XXYLT1: variants seen among roughly 807,000 people sequenced by gnomAD.
XXYLT1 encodes the protein xyloside xylosyltransferase 1.
XXYLT1 carries 20 observed loss-of-function variants against 28.9 expected under a neutral mutation model. That is an observed-to-expected ratio of 0.69 (90% CI 0.49 to 1.00). The LOEUF (loss-of-function observed/expected upper bound fraction) is 1.00. Ranked by LOEUF, XXYLT1 falls within the 50% of genes least tolerant of loss-of-function variation. The probability of loss-of-function intolerance (pLI) is 0.00; values close to 1 mark genes in which losing one functional copy is unlikely to be tolerated. For missense variants in XXYLT1, 542 were observed against 560.1 expected, an observed-to-expected ratio of 0.97 and a Z score of 0.33; for synonymous variants, 257 against 253.8, an observed-to-expected ratio of 1.01 and a Z score of -0.12.
intron 3 of XXYLT1, among the ~76,000 whole-genome samples, chr3:195,090,559 C>T (rs941753727): frequency 6.6e-6 from 1 of 151,098 alleles, no homozygotes; most frequent in African/African-American, 2.5e-5. Flanking sequence ...GCACTAAATG[C>T]CACAAGAGAA....
At chr3:195,106,941 C>T (rs989304470) in intron 3 of XXYLT1, among the ~76,000 whole-genome samples, 2 of 152,126 alleles carry the variant, frequency 1.3e-5, no homozygotes, top group Non-Finnish European at 2.9e-5. Flanking sequence ...GACATCGGGC[C>T]AAGCATCCCA....
At chr3:195,153,279 C>A (rs1252553059) in intron 3 of XXYLT1, among the ~76,000 whole-genome samples, 4 of 152,228 alleles carry the variant, frequency 2.6e-5, no homozygotes, top group African/African-American at 9.6e-5. Flanking sequence ...AGGCAAAAAA[C>A]ATGCTCAATT....
intron 3 of XXYLT1, among the ~76,000 whole-genome samples, chr3:195,087,552 C>G (rs914008325): frequency 6.6e-6 from 1 of 152,266 alleles, no homozygotes. Context: ...CTTCTCAGCT[C>G]TCTCCGGATA....
intron 1 of XXYLT1, among the ~76,000 whole-genome samples, chr3:195,258,942 C>T (rs1181129359): frequency 6.6e-6 from 1 of 152,260 alleles, no homozygotes; most frequent in Non-Finnish European, 1.5e-5. Flanking sequence ...ACTGAATCAA[C>T]GGTATCAGCA....
intron 3 of XXYLT1, among the ~76,000 whole-genome samples, chr3:195,086,535 A>G (rs904885784): frequency 1.3e-5 from 2 of 152,210 alleles, no homozygotes; most frequent in Non-Finnish European, 2.9e-5. Flanking sequence ...CTGTGGGGTC[A>G]GAGGCCTGAC....
chr3:195,207,409 A>T, intron 2 of XXYLT1: 1 of 452,984 alleles, frequency 2.2e-6, no homozygotes, highest in South Asian at 1.6e-5. Context: ...GAAAACAGTG[A>T]CTTTATTCTA....
intron 3 of XXYLT1, among the ~76,000 whole-genome samples, chr3:195,140,695 G>A (rs996210084): frequency 1.3e-5 from 2 of 151,944 alleles, no homozygotes; most frequent in Non-Finnish European, 2.9e-5. Flanking sequence ...ACAAGAAGGG[G>A]GAAGCACTAC....
At chr3:195,088,816 C>G (rs1474471824) in intron 3 of XXYLT1, among the ~76,000 whole-genome samples, 1 of 143,792 alleles carries the variant, frequency 7.0e-6, no homozygotes, top group African/African-American at 2.6e-5. Context: ...ATAACCAATA[C>G]AGAGAAGTGC....
At chr3:195,142,879 G>T (rs1302736712) in intron 3 of XXYLT1, among the ~76,000 whole-genome samples, 2 of 152,090 alleles carry the variant, frequency 1.3e-5, no homozygotes, top group Admixed American at 6.5e-5. Context: ...CTTCCCTTTG[G>T]ATTTCTCTCC....
chr3:195,213,175 G>A (rs1723404094), intron 2 of XXYLT1, among the ~76,000 whole-genome samples: 1 of 152,202 alleles, frequency 6.6e-6, no homozygotes, highest in South Asian at 2.1e-4. Flanking sequence ...GCTGGAAGGT[G>A]AGGCTTTCCT....
rs771756456 is a variant in XXYLT1, at chr3:195,069,858, C to T, written c.1039G>A (p.Val347Met). ...IGMEHPKLFH[V>M]LDCTWNRQLC... is the part of the protein sequence containing the mutation. ...TGCCGGTTCCAGGTACAGTCCAGCA[C>T]ATGGAAGAGCTTGGGGTGCTCCATG... Residue 347 changes from valine to methionine, a missense_variant, in exon 4 of 4, where the codon GTG (valine) becomes ATG (methionine). Val to Met is a conservative substitution (Grantham distance 21). Coordinates refer to ENST00000310380, the MANE Select transcript of XXYLT1 (RefSeq NM_152531.5). The T allele has an allele frequency of 4.3e-6, 7 of 1,614,182 alleles. No homozygotes were observed. The highest frequency in any genetic ancestry group is 5.9e-6 in the Non-Finnish European group (7 of 1,180,026).
rs1425991102 is a variant in XXYLT1 at position 195,129,142 on chromosome 3, T to C, written c.785+27307A>G. Among the ~76,000 whole-genome samples, 1 of 152,188 alleles carries C rather than the reference T, an allele frequency of 6.6e-6. No homozygotes were observed. The highest frequency in any genetic ancestry group is 1.5e-5 in the Non-Finnish European group (1 of 68,040). On this transcript the variant is annotated intron_variant, in intron 3 of 3. Transcript: ENST00000310380. The surrounding 1 kb of genome is among the most constrained non-coding windows in gnomAD (Gnocchi z 4.4). ...TGTGGGGGGAAGGTCGCGGCTAACA[T>C]AGAGAGGGACAGCAGAGTTTAGCGT...
chr3:195,249,776 G>A (rs145798828), intron 1 of XXYLT1, among the ~76,000 whole-genome samples: 87 of 152,304 alleles, frequency 5.7e-4, no homozygotes, highest in Middle Eastern at 3.4e-3. Flanking sequence ...AGAGGTAAAC[G>A]TGTGGTCTGT....
intron 3 of XXYLT1, among the ~76,000 whole-genome samples, chr3:195,072,276 C>T (rs938882451): frequency 1.3e-5 from 2 of 152,212 alleles, no homozygotes; most frequent in Non-Finnish European, 2.9e-5. Context: ...ACCAGATCTA[C>T]TGTGGGGTTG....
At chr3:195,140,563 G>A (rs1307576892) in intron 3 of XXYLT1, among the ~76,000 whole-genome samples, 1 of 152,168 alleles carries the variant, frequency 6.6e-6, no homozygotes, top group Non-Finnish European at 1.5e-5. Context: ...ATGGCCAGGA[G>A]GCCTCAGAAA....
intron 2 of XXYLT1, among the ~76,000 whole-genome samples, chr3:195,206,146 G>T (rs2108772028): frequency 6.6e-6 from 1 of 151,168 alleles, no homozygotes; most frequent in South Asian, 2.1e-4. Context: ...GAGTAGCTGG[G>T]ACTACAGGCC....
intron 3 of XXYLT1, chr3:195,094,173 T>A (rs1448243853): frequency 6.6e-6 from 1 of 152,502 alleles, no homozygotes; most frequent in African/African-American, 2.4e-5. Flanking sequence ...AAACGCTGGC[T>A]GTGGACGCAC....
intron 3 of XXYLT1, among the ~76,000 whole-genome samples, chr3:195,109,187 C>T (rs1214112918): frequency 5.3e-5 from 8 of 152,180 alleles, no homozygotes; most frequent in African/African-American, 1.7e-4. Flanking sequence ...CACTCTTGAA[C>T]AGGAGCATCA....
rs542621432 is a variant in XXYLT1 at position 195,241,207 on chromosome 3, C to T, written c.505-14351G>A. On this transcript the variant is annotated intron_variant, in intron 1 of 3. Transcript: ENST00000310380. The stretch of plus-strand genomic sequence containing the variant: ...CCTTCTTGAAGCAAGGGCAGGTGCC[C>T]TGTGATGTCTGGTATCCATACACTT... Among the ~76,000 whole-genome samples the T allele has an allele frequency of 3.3e-5, 5 of 152,298 alleles. No homozygotes were observed. The South Asian group carries it at 1.0e-3, about 32-fold the overall frequency.
Sources: allele counts gnomAD v4.1 joint callset (sites outside exome capture counted in the v4.1 genomes callset), GRCh38; gene constraint gnomAD v4.1.1; non-coding constraint Gnocchi (gnomAD v3.1); transcripts MANE v1.5; gene names NCBI Gene and HGNC (gene_info 2026-07-23, HGNC 2026-07-21).